Variants in TBK1 observed in about 807,000 individuals in gnomAD.
The protein encoded by TBK1 is TANK binding kinase 1, also known as serine/threonine-protein kinase TBK1.
Under a neutral mutation model 99.9 loss-of-function variants are expected in TBK1, and 37 were observed. The ratio of observed to expected loss-of-function variants is 0.37; its 90% confidence interval spans 0.28 to 0.49. TBK1 has a LOEUF of 0.49. TBK1 is among the 20% of genes least tolerant of loss of function. The pLI, the probability that TBK1 is intolerant of heterozygous loss-of-function variation, is 0.98. For missense variants in TBK1, 644 were observed against 872.5 expected, an observed-to-expected ratio of 0.74 and a Z score of 3.30; for synonymous variants, 258 against 279.8, an observed-to-expected ratio of 0.92 and a Z score of 0.78.
At chr12:64,485,357 C>T in intron 9 of TBK1, 98 bp from the exon 10 acceptor site, 8 of 519,838 alleles carry the variant, frequency 1.5e-5, no homozygotes, top group South Asian at 3.4e-5. Flanking sequence ...CAGATTTTGC[C>T]ACTAATGTTT....
At chr12:64,458,086 A>AACACACACAC (rs71092969) in intron 2 of TBK1, among the ~76,000 whole-genome samples, 70 of 143,668 alleles carry the variant, frequency 4.9e-4, no homozygotes, top group African/African-American at 1.6e-3. Context: ...GTCTCTACTA[A>AACACACACAC]ACACACACAC....
Position 64,501,382 on chromosome 12 carries a change from C to G in TBK1, c.*1C>G, listed in dbSNP as rs948691211. The G allele has an allele frequency of 1.2e-6, 2 of 1,613,426 alleles. No individual in the cohort carries two copies. The highest frequency in any genetic ancestry group is 1.7e-6 in the Non-Finnish European group (2 of 1,179,850). ...CCTTCGCAACGTTGACTGTCTTTAG[C>G]TTTCTAATAGAAGTTTAAGAAAAGT... On this transcript the variant is annotated 3_prime_UTR_variant, in exon 21 of 21. Transcript: ENST00000331710.
chr12:64,495,940 A>C (rs2040921050), intron 15 of TBK1, 165 bp downstream of exon 15: 2 of 585,806 alleles, frequency 3.4e-6, no homozygotes, highest in South Asian at 5.2e-5. Context: ...AAAAAAAAAA[A>C]AAACTATCCT....
In TBK1 at chr12:64,474,227, T is replaced by A. The variant is rs747738866; in HGVS notation, c.541-3T>A. The A allele has an allele frequency of 6.2e-7, 1 of 1,605,474 alleles. No homozygotes were observed. Among genetic ancestry groups the A allele is most frequent in the East Asian group, 2.2e-5 (1 of 44,806 alleles). ...GATTTTTTTCTTTTTTTTTTAATCT[T>A]AGCACCCTGATATGTATGAGAGAGC... is the stretch of plus-strand genomic sequence containing the variant. On this transcript the variant is annotated splice_region_variant and splice_polypyrimidine_tract_variant and intron_variant, in intron 5 of 20. Transcript: ENST00000331710.
rs2040531920 is a variant in TBK1, at chr12:64,460,245, A to G, written c.144A>G (p.Pro48=). Residue 48 remains proline (P), a synonymous_variant, in exon 3 of 21, where the codon CCA becomes CCG. Coordinates refer to ENST00000331710, the MANE Select transcript of TBK1 (RefSeq NM_013254.4). ...KVFNNISFLR[P]VDVQMREFEV... ...TTAATAACATAAGCTTCCTTCGTCC[A>G]GTGGATGTTCAAATGAGAGAATTTG... is the stretch of plus-strand genomic sequence containing the variant. 6.3e-7 allele frequency: 1 copy of G among 1,585,252 alleles called. No individual in the cohort carries two copies. Among genetic ancestry groups the G allele is most frequent in the Non-Finnish European group, 8.6e-7 (1 of 1,164,584 alleles).
chr12:64,462,838 T>C (rs1038756098), intron 3 of TBK1, among the ~76,000 whole-genome samples: 11 of 152,202 alleles, frequency 7.2e-5, no homozygotes, highest in African/African-American at 2.4e-4. Context: ...CGTAATGCTG[T>C]TATTAAATTG....
intron 2 of TBK1, among the ~76,000 whole-genome samples, chr12:64,459,718 G>A (rs1407478014): frequency 1.3e-5 from 2 of 152,114 alleles, no homozygotes; most frequent in Non-Finnish European, 2.9e-5. Flanking sequence ...AAAGTTAACT[G>A]TATTACTTTG....
chr12:64,493,387 G>C (rs1325528210), intron 13 of TBK1, among the ~76,000 whole-genome samples: 2 of 151,640 alleles, frequency 1.3e-5, no homozygotes, highest in African/African-American at 4.8e-5. Context: ...AGAACTTTGG[G>C]AGGCTGAGGT....
At position 64,501,461 on chromosome 12, in the gene TBK1, T is replaced by C. The variant is rs763115028; in HGVS notation, c.*80T>C. 8 of 1,335,944 alleles carry C rather than the reference T, an allele frequency of 6.0e-6. No homozygotes were observed. The highest frequency in any genetic ancestry group is 3.8e-5 in the Admixed American group (2 of 52,204). The allele number at this position is 1,335,944 out of a possible 1,614,324, so 82.8% of individuals were successfully genotyped here. On this transcript the variant is annotated 3_prime_UTR_variant, in exon 21 of 21. Transcript: ENST00000331710. Reference sequence around the variant, plus strand: ...GGCATTAAATGAATGCCTTTATAGATAGTCACTTGTTTCTACAATTCAGTA... The same window carrying C: ...GGCATTAAATGAATGCCTTTATAGACAGTCACTTGTTTCTACAATTCAGTA...
intron 2 of TBK1, among the ~76,000 whole-genome samples, chr12:64,457,191 G>T (rs1422447209): frequency 1.3e-5 from 2 of 152,148 alleles, no homozygotes; most frequent in Non-Finnish European, 2.9e-5. Flanking sequence ...GTGACGATGA[G>T]ATAAGCGTAC....
Position 64,488,428 on chromosome 12 carries a change from TGATA to T in TBK1, c.1341-52_1341-49del, listed in dbSNP as rs368849235. 1.1e-3 allele frequency: 1,118 copies of T among 981,674 alleles called. 8 individuals carry two copies. The highest frequency in any genetic ancestry group is 6.6e-3 in the South Asian group (387 of 58,636). 60.8% of individuals were successfully genotyped at this position (981,674 alleles called of 1,614,324 possible). On this transcript the variant is annotated intron_variant, in intron 11 of 20. Transcript: ENST00000331710. ...AACTGTAGTACTGCAGTATAATTAG[TGATA>T]GATAGAAAAAATAACTCCTTAGATA...
At chr12:64,453,433 A>C (rs2040450468) in intron 1 of TBK1, among the ~76,000 whole-genome samples, 1 of 152,192 alleles carries the variant, frequency 6.6e-6, no homozygotes, top group South Asian at 2.1e-4. Context: ...ATGACTGGCA[A>C]ATGTGTATTC....
chr12:64,497,050 G>A lies in TBK1; in HGVS notation c.1862G>A (p.Arg621Lys), dbSNP rs1281137936. ...TTGAATAAGTCAGAAGAATGGATAAGGTGAGTAAACTTCTTTTGGAGTGAT... is the reference window on the plus strand; with the variant it reads ...TTGAATAAGTCAGAAGAATGGATAAAGTGAGTAAACTTCTTTTGGAGTGAT... ...AFLNKSEEWIRKMLHLRKQLL... is the reference protein window; with the variant it reads ...AFLNKSEEWIKKMLHLRKQLL... Residue 621 changes from arginine (R) to lysine (K), a missense_variant and splice_region_variant, in exon 17 of 21, where the codon AGA (arginine) becomes AAA (lysine). Coordinates refer to ENST00000331710, the MANE Select transcript of TBK1 (RefSeq NM_013254.4). The A allele has an allele frequency of 6.2e-7, 1 of 1,610,376 alleles. No homozygotes were observed. The highest frequency in any genetic ancestry group is 1.7e-5 in the Admixed American group (1 of 59,804).
intron 3 of TBK1, among the ~76,000 whole-genome samples, chr12:64,464,092 G>C (rs2040577823): frequency 6.6e-6 from 1 of 152,040 alleles, no homozygotes; most frequent in Non-Finnish European, 1.5e-5. Flanking sequence ...TCAATCTCTT[G>C]ACCTCGTGAT....
chr12:64,486,250 G>A (rs2136079713), intron 11 of TBK1, among the ~76,000 whole-genome samples: 1 of 152,270 alleles, frequency 6.6e-6, no homozygotes, highest in Non-Finnish European at 1.5e-5. Context: ...GCTATAGGAT[G>A]TGACGGCAAA....
chr12:64,473,286 A>T (rs146374690), intron 5 of TBK1, among the ~76,000 whole-genome samples: 84 of 152,312 alleles, frequency 5.5e-4, no homozygotes, highest in African/African-American at 2.0e-3. Flanking sequence ...GATATTTAAT[A>T]CATTAGGTCT....
At position 64,480,278 on chromosome 12, in the gene TBK1, G is replaced by C. The variant is rs114952157; in HGVS notation, c.812+156G>C. Among the ~76,000 whole-genome samples, 865 of 152,186 alleles carry C rather than the reference G, an allele frequency of 5.7e-3. 10 individuals are homozygous for C. The highest frequency in any genetic ancestry group is 0.019 in the African/African-American group (789 of 41,560). ...GCTTTGATAAATGATTTTTGTCTTCGTGGTGGTGAAAAGATTTATTCTCTG... is the reference window on the plus strand; with the variant it reads ...GCTTTGATAAATGATTTTTGTCTTCCTGGTGGTGAAAAGATTTATTCTCTG... On this transcript the variant is annotated intron_variant, in intron 7 of 20. Coordinates refer to ENST00000331710, the MANE Select transcript of TBK1 (RefSeq NM_013254.4).
rs548462616 is a variant in TBK1, at chr12:64,476,047, A to G, written c.701+1657A>G. ...CTGTTACTTTTTTTTATTTTTTTAT[A>G]GCCATTCTGACTGGCGTGAGATGGT... On this transcript the variant is annotated intron_variant, in intron 6 of 20. Transcript: ENST00000331710. Among the ~76,000 whole-genome samples, 10 of 150,320 alleles carry G rather than the reference A, an allele frequency of 6.7e-5. No individual in the cohort carries two copies. The South Asian group carries it at 2.1e-3, about 31-fold the overall frequency.
intron 1 of TBK1, among the ~76,000 whole-genome samples, chr12:64,454,001 T>TA (rs1413395649): frequency 1.3e-5 from 2 of 152,184 alleles, no homozygotes; most frequent in Non-Finnish European, 1.5e-5. Flanking sequence ...ATTGTGTAGA[T>TA]AAAATTTTAG....
Sources: gnomAD v4.1 joint callset for allele counts (sites outside exome capture counted in the v4.1 genomes callset) on GRCh38, gnomAD v4.1.1 for gene constraint, MANE v1.5 for transcripts, NCBI Gene and HGNC (gene_info 2026-07-23, HGNC 2026-07-21) for gene names.